The following ATP8A2 variants were observed in gnomAD, a reference collection of about 807,000 sequenced individuals.
The protein encoded by ATP8A2 is ATPase phospholipid transporting 8A2.
A neutral mutation model predicts 165.6 loss-of-function variants in ATP8A2; 100 were observed. The ratio of observed to expected loss-of-function variants is 0.60; its 90% CI spans 0.51 to 0.71. ATP8A2 has a LOEUF of 0.71. Among genes scored for constraint, ATP8A2 ranks in the 30% least tolerant of loss-of-function variants. ATP8A2 has a pLI of 0.00. For missense variants in ATP8A2, 1,227 were observed against 1,479.5 expected (o/e 0.83, Z 2.80); for synonymous variants, 543 against 548.8 (o/e 0.99, Z 0.15).
intron 23 of ATP8A2, among the ~76,000 whole-genome samples, chr13:25,583,913 A>T (rs913216988): frequency 6.6e-6 from 1 of 152,202 alleles, no homozygotes; most frequent in Non-Finnish European, 1.5e-5. Context: ...GATCTTTCTT[A>T]GCAAGTACTC....
At chr13:25,648,209 C>T (rs76187899) in intron 24 of ATP8A2, among the ~76,000 whole-genome samples, 1 of 152,092 alleles carries the variant, frequency 6.6e-6, no homozygotes, top group East Asian at 1.9e-4. Context: ...GAAACTTTCT[C>T]TTGCATTTTC....
At chr13:25,524,886 A>ACATC (rs2037787102) in intron 2 of ATP8A2, among the ~76,000 whole-genome samples, 1 of 141,620 alleles carries the variant, frequency 7.1e-6, no homozygotes, top group Non-Finnish European at 1.5e-5. Flanking sequence ...TTGTTTGATA[A>ACATC]CTTCCTTCCT....
At position 25,588,369 on chromosome 13, in the gene ATP8A2, G is replaced by T. The variant is rs1470447387; in HGVS notation, c.2147-1266G>T. ...CTATCTTGAATTTCATTTTGTACCT[G>T]TTAGGAGGATTTCTCAGGGATGAAA... is the stretch of plus-strand genomic sequence containing the variant. On this transcript the variant is annotated intron_variant, in intron 23 of 36. Coordinates refer to ENST00000381655, the MANE Select transcript of ATP8A2 (RefSeq NM_016529.6). Among the ~76,000 whole-genome samples the T allele has an allele frequency of 2.0e-5, 3 of 152,140 alleles. No homozygotes were observed. In the South Asian group the frequency reaches 6.2e-4, roughly 31 times the overall value.
chr13:25,484,040 A>G (rs1463978402), intron 2 of ATP8A2, among the ~76,000 whole-genome samples: 1 of 152,212 alleles, frequency 6.6e-6, no homozygotes, highest in African/African-American at 2.4e-5. Context: ...TCTTTTGTAC[A>G]TATATGTTTT....
chr13:25,880,753 C>G (rs192103811), intron 33 of ATP8A2, among the ~76,000 whole-genome samples: 1 of 152,286 alleles, frequency 6.6e-6, no homozygotes, highest in East Asian at 1.9e-4. Flanking sequence ...CCTTCATGCC[C>G]CCAAAGCTAT....
At chr13:25,388,703 C>T (rs1416541707) in intron 1 of ATP8A2, among the ~76,000 whole-genome samples, 1 of 152,060 alleles carries the variant, frequency 6.6e-6, no homozygotes, top group East Asian at 1.9e-4. Flanking sequence ...TTCATTTCTG[C>T]CTTTTAGTTT....
Position 25,453,010 on chromosome 13 carries a change from G to A in ATP8A2, c.77-15967G>A, listed in dbSNP as rs185442366. Reference sequence around the variant, plus strand: ...CTTGGGAGGCTGAGGCAGGAGAATCGCTTGAGCCCAGGAGGCAGAGGTTGC... The same window carrying A: ...CTTGGGAGGCTGAGGCAGGAGAATCACTTGAGCCCAGGAGGCAGAGGTTGC... On this transcript the variant is annotated intron_variant, in intron 1 of 36. Transcript: ENST00000381655. 9.0e-3 allele frequency among the ~76,000 whole-genome samples: 1,365 copies of A among 151,988 alleles called. 21 individuals carry two copies. The highest frequency in any genetic ancestry group is 0.03 in the African/African-American group (1,264 of 41,460).
chr13:25,669,339 T>C (rs1251509262), intron 24 of ATP8A2, among the ~76,000 whole-genome samples: 2 of 152,202 alleles, frequency 1.3e-5, no homozygotes, highest in African/African-American at 4.8e-5. Flanking sequence ...GGTCAGCCAG[T>C]TATGTGACAG....
intron 25 of ATP8A2, among the ~76,000 whole-genome samples, chr13:25,733,343 G>A (rs1489426257): frequency 6.6e-6 from 1 of 152,052 alleles, no homozygotes; most frequent in Non-Finnish European, 1.5e-5. Context: ...AATAGAAACC[G>A]CTAATGGTAT....
chr13:25,673,353 T>C (rs575405014), intron 24 of ATP8A2, among the ~76,000 whole-genome samples: 1 of 152,336 alleles, frequency 6.6e-6, no homozygotes, highest in Admixed American at 6.5e-5. Flanking sequence ...ACAAGAAGAT[T>C]ACCCATGATG....
intron 2 of ATP8A2, among the ~76,000 whole-genome samples, chr13:25,497,700 C>T (rs1303363591): frequency 6.6e-6 from 1 of 151,942 alleles, no homozygotes; most frequent in Non-Finnish European, 1.5e-5. Context: ...TGCCTGTAAT[C>T]CCAGCCAGCA....
At chr13:25,546,316 T>C (rs902026176) in intron 10 of ATP8A2, among the ~76,000 whole-genome samples, 1 of 152,174 alleles carries the variant, frequency 6.6e-6, no homozygotes, top group Non-Finnish European at 1.5e-5. Flanking sequence ...ATGTATAGAA[T>C]GATGGAAAAC....
At chr13:25,963,231 T>C (rs1955697682) in intron 34 of ATP8A2, among the ~76,000 whole-genome samples, 1 of 151,912 alleles carries the variant, frequency 6.6e-6, no homozygotes, top group South Asian at 2.1e-4. Context: ...CCGTCTCTAC[T>C]ATAAATACAA....
intron 1 of ATP8A2, among the ~76,000 whole-genome samples, chr13:25,416,795 C>T (rs2034143834): frequency 6.6e-6 from 1 of 152,150 alleles, no homozygotes; most frequent in East Asian, 1.9e-4. Context: ...TTATGATTAG[C>T]CTCTGAATGG....
intron 1 of ATP8A2, among the ~76,000 whole-genome samples, chr13:25,376,032 T>TG (rs1022382563): frequency 2.0e-5 from 3 of 152,130 alleles, no homozygotes; most frequent in African/African-American, 7.2e-5. Context: ...TCAGGGCAGC[T>TG]GAAAATACAA....
At chr13:25,634,515 A>G (rs966008889) in intron 24 of ATP8A2, among the ~76,000 whole-genome samples, 3 of 152,186 alleles carry the variant, frequency 2.0e-5, no homozygotes, top group Non-Finnish European at 4.4e-5. Flanking sequence ...TTTAAGTTTA[A>G]TGAGTAACAG....
At chr13:26,009,868 C>T (rs1349404730) in intron 35 of ATP8A2, among the ~76,000 whole-genome samples, 3 of 152,172 alleles carry the variant, frequency 2.0e-5, no homozygotes, top group Non-Finnish European at 4.4e-5. Flanking sequence ...GAGTTCAAGA[C>T]CAGTCTGGCC....
At chr13:25,389,937 G>C (rs1163736672) in intron 1 of ATP8A2, among the ~76,000 whole-genome samples, 1 of 152,174 alleles carries the variant, frequency 6.6e-6, no homozygotes. Context: ...GAGTGGTCAT[G>C]GTCAACTTTT....
At chr13:25,751,073 G>T (rs567396226) in intron 25 of ATP8A2, among the ~76,000 whole-genome samples, 1 of 152,326 alleles carries the variant, frequency 6.6e-6, no homozygotes, top group South Asian at 2.1e-4. Context: ...TTAGCTTACT[G>T]TGCAAATGTG....
Sources: allele counts gnomAD v4.1 joint callset (sites outside exome capture counted in the v4.1 genomes callset), GRCh38; gene constraint gnomAD v4.1.1; transcripts MANE v1.5; gene names NCBI Gene and HGNC (gene_info 2026-07-23, HGNC 2026-07-21).